Variants in UBASH3B observed in about 807,000 individuals in gnomAD.
The protein encoded by UBASH3B is ubiquitin associated and SH3 domain containing B, also known as ubiquitin-associated and SH3 domain-containing protein B.
In UBASH3B, 37 loss-of-function variants were observed where a neutral mutation model predicts 83.4. That is an observed-to-expected ratio of 0.44 (90% CI 0.34 to 0.58). The LOEUF (loss-of-function observed/expected upper bound fraction) is 0.58, where lower values mean the gene tolerates loss of function less well. Ranked by LOEUF, UBASH3B falls within the 20% of genes least tolerant of loss-of-function variation. The pLI, the probability that UBASH3B is intolerant of heterozygous loss-of-function variation, is 0.01. For synonymous variants in UBASH3B, 304 were observed against 318.3 expected, an observed-to-expected ratio of 0.96 and a Z score of 0.48; for missense variants, 657 against 827.2, an observed-to-expected ratio of 0.79 and a Z score of 2.52.
intron 1 of UBASH3B, among the ~76,000 whole-genome samples, chr11:122,670,965 G>A (rs938215036): frequency 3.3e-4 from 50 of 151,984 alleles, no homozygotes; most frequent in Admixed American, 1.7e-3. Flanking sequence ...GTTTCGCCAC[G>A]TTGCCCAGGC....
intron 1 of UBASH3B, among the ~76,000 whole-genome samples, chr11:122,733,511 G>A (rs185037656): frequency 1.1e-4 from 17 of 152,330 alleles, no homozygotes; most frequent in South Asian, 4.1e-4. Context: ...CCAGATCCAA[G>A]TTTCACATCA....
intron 1 of UBASH3B, among the ~76,000 whole-genome samples, chr11:122,754,814 G>A (rs1325965430): frequency 2.6e-5 from 4 of 152,188 alleles, no homozygotes; most frequent in African/African-American, 2.4e-5. Flanking sequence ...TGAGATCCAC[G>A]TAAGCCCCTT....
At chr11:122,696,653 C>T (rs1320720196) in intron 1 of UBASH3B, among the ~76,000 whole-genome samples, 1 of 152,158 alleles carries the variant, frequency 6.6e-6, no homozygotes, top group African/African-American at 2.4e-5. Context: ...TAGCTAAAGA[C>T]TAGAATGTGT....
At position 122,777,124 on chromosome 11, in the gene UBASH3B, G is replaced by A. The variant is rs377399684; in HGVS notation, c.316G>A (p.Asp106Asn). 56 of 1,613,956 alleles carry A rather than the reference G, an allele frequency of 3.5e-5. No homozygotes were observed. The highest frequency in any genetic ancestry group is 4.4e-5 in the Non-Finnish European group (52 of 1,180,006). Reference sequence around the variant, plus strand: ...CGGCCCCTTAGCACAGAAGCTTTCCGACTTTTGGCAGCAGTCGAAGCAGAT... The same window carrying A: ...CGGCCCCTTAGCACAGAAGCTTTCCAACTTTTGGCAGCAGTCGAAGCAGAT... ...PTGPLAQKLS[D>N]FWQQSKQICG... Residue 106 changes from aspartate (D) to asparagine (N), a missense_variant, in exon 3 of 14, where the codon GAC (aspartate) becomes AAC (asparagine). Asp to Asn is a conservative substitution (Grantham distance 23). Around this residue, in one of 3 missense-constraint regions of UBASH3B, gnomAD observed 573 missense variants for 739.0 expected, o/e 0.78. Transcript: ENST00000284273.
intron 1 of UBASH3B, among the ~76,000 whole-genome samples, chr11:122,682,556 G>A (rs1863755964): frequency 6.6e-6 from 1 of 152,070 alleles, no homozygotes; most frequent in Non-Finnish European, 1.5e-5. Context: ...CCTTCATTTG[G>A]TTCCTGGAGC....
chr11:122,688,981 G>A lies in UBASH3B; in HGVS notation c.161+32771G>A, dbSNP rs1482422208. Among the ~76,000 whole-genome samples the A allele has an allele frequency of 2.1e-3, 16 of 7,672 alleles. No homozygotes were observed. In the Admixed American group the frequency reaches 0.047, roughly 23 times the overall value. The allele number at this position is 7,672 out of a possible 152,430, so 5.0% of individuals were successfully genotyped here. A position where few individuals can be genotyped will look rare whatever the true frequency, so the allele number is the denominator to read the frequency against. On this transcript the variant is annotated intron_variant, in intron 1 of 13. Transcript: ENST00000284273. Reference sequence around the variant, plus strand: ...TTTACTAGAGACGGCGGGGAGGCGGGGGGGGGGGGGGTTCCACCATATTGG... The same window carrying A: ...TTTACTAGAGACGGCGGGGAGGCGGAGGGGGGGGGGGTTCCACCATATTGG...
intron 1 of UBASH3B, among the ~76,000 whole-genome samples, chr11:122,731,665 T>G (rs1480457911): frequency 2.6e-5 from 4 of 152,168 alleles, no homozygotes; most frequent in Admixed American, 2.6e-4. Flanking sequence ...GCTCAAGATT[T>G]TATCATGCTA....
chr11:122,703,614 C>G (rs1864077884), intron 1 of UBASH3B, among the ~76,000 whole-genome samples: 1 of 152,112 alleles, frequency 6.6e-6, no homozygotes, highest in Admixed American at 6.6e-5. Flanking sequence ...GAAATAGAAA[C>G]TTTTAGACAT....
intron 1 of UBASH3B, among the ~76,000 whole-genome samples, chr11:122,699,644 G>A (rs1864016793): frequency 6.7e-6 from 1 of 149,568 alleles, no homozygotes; most frequent in Admixed American, 6.7e-5. Flanking sequence ...GTGCAGTGGT[G>A]CAATCTCTGG....
rs141313966 is a variant in UBASH3B at position 122,801,906 on chromosome 11, T to C, written c.1595+574T>C. On this transcript the variant is annotated intron_variant, in intron 11 of 13. Transcript: ENST00000284273. ...ACATGTCCAGCACCATGCAATCTGC[T>C]GTACAGTCATCTCATTCCTGTTCCT... 2.8e-3 allele frequency among the ~76,000 whole-genome samples: 434 copies of C among 152,368 alleles called. 2 individuals are homozygous for C. The highest frequency in any genetic ancestry group is 0.01 in the African/African-American group (421 of 41,590).
intron 3 of UBASH3B, among the ~76,000 whole-genome samples, chr11:122,777,972 C>T (rs1208396551): frequency 4.6e-5 from 7 of 152,030 alleles, no homozygotes; most frequent in East Asian, 1.9e-4. Context: ...TCAAGTGATC[C>T]GCCCACCTCA....
At position 122,759,198 on chromosome 11, in the gene UBASH3B, G is replaced by C. The variant is rs548226352; in HGVS notation, c.162-17021G>C. On this transcript the variant is annotated intron_variant, in intron 1 of 13. Transcript: ENST00000284273. The surrounding 1 kb of genome is among the most constrained non-coding windows in gnomAD (Gnocchi z 4.1). Reference sequence around the variant, plus strand: ...ATATGACTGAGGGCCCCAGCTTTTTGTTGGATGTTGGCTACAAGCCACTCT... The same window carrying C: ...ATATGACTGAGGGCCCCAGCTTTTTCTTGGATGTTGGCTACAAGCCACTCT... 6.6e-6 allele frequency among the ~76,000 whole-genome samples: 1 copy of C among 152,316 alleles called. No individual in the cohort carries two copies. The highest frequency in any genetic ancestry group is 2.4e-5 in the African/African-American group (1 of 41,572).
At chr11:122,676,528 C>G (rs1863670136) in intron 1 of UBASH3B, among the ~76,000 whole-genome samples, 1 of 151,946 alleles carries the variant, frequency 6.6e-6, no homozygotes, top group Non-Finnish European at 1.5e-5. Flanking sequence ...GCAACAAGAG[C>G]AAAACTCCAT....
chr11:122,751,106 C>T (rs924105749), intron 1 of UBASH3B, among the ~76,000 whole-genome samples: 5 of 63,878 alleles, frequency 7.8e-5, no homozygotes, highest in Non-Finnish European at 2.6e-4. Context: ...GTTTACGCTT[C>T]CCGGCCTCTC....
In UBASH3B at chr11:122,761,779, C is replaced by CTTT. The variant is rs138806467; in HGVS notation, c.162-14411_162-14409dup. Among the ~76,000 whole-genome samples the CTTT allele has an allele frequency of 7.3e-4, 48 of 65,410 alleles. 5 individuals carry two copies. Among genetic ancestry groups the CTTT allele is most frequent in the African/African-American group, 2.6e-3 (39 of 15,064 alleles). The allele number at this position is 65,410 out of a possible 152,430, so 42.9% of individuals were successfully genotyped here. On this transcript the variant is annotated intron_variant, in intron 1 of 13. Transcript: ENST00000284273. Reference sequence around the variant, plus strand: ...CATTTTCATCTGTTTCTCCCAGATCCTTTTTTTTTTTTTTTTTTTTTTTTT... The same window carrying CTTT: ...CATTTTCATCTGTTTCTCCCAGATCCTTTTTTTTTTTTTTTTTTTTTTTTTTTT...
intron 1 of UBASH3B, among the ~76,000 whole-genome samples, chr11:122,686,833 A>C (rs1446799248): frequency 6.6e-6 from 1 of 151,756 alleles, no homozygotes; most frequent in Non-Finnish European, 1.5e-5. Flanking sequence ...CCATCTCTCT[A>C]AGCCCTGTTT....
intron 1 of UBASH3B, among the ~76,000 whole-genome samples, chr11:122,668,643 A>G (rs1863552313): frequency 6.6e-6 from 1 of 152,236 alleles, no homozygotes; most frequent in Non-Finnish European, 1.5e-5. Context: ...GACTTGGCTC[A>G]AGTCCTGGAT....
chr11:122,703,251 C>A (rs1024993920), intron 1 of UBASH3B, among the ~76,000 whole-genome samples: 7 of 152,026 alleles, frequency 4.6e-5, no homozygotes, highest in Non-Finnish European at 7.4e-5. Context: ...CACAGTGAAA[C>A]CCCGTCTCTA....
intron 13 of UBASH3B, 77 bp from the exon 14 acceptor site, chr11:122,809,672 T>C: frequency 6.7e-7 from 1 of 1,501,366 alleles, no homozygotes; most frequent in Non-Finnish European, 9.1e-7. Flanking sequence ...GCCACATGAA[T>C]ATCTTTGTAT....
Sources: allele counts gnomAD v4.1 joint callset (sites outside exome capture counted in the v4.1 genomes callset), GRCh38; gene constraint gnomAD v4.1.1; regional missense constraint gnomAD v4.1.1; non-coding constraint Gnocchi (gnomAD v3.1); transcripts MANE v1.5; gene names NCBI Gene and HGNC (gene_info 2026-07-23, HGNC 2026-07-21).